The following ZNRF3 variants were observed in gnomAD, a reference collection of about 807,000 sequenced individuals.
ZNRF3 encodes zinc and ring finger 3.
A neutral mutation model predicts 72.5 loss-of-function variants in ZNRF3; 23 were observed. The ratio of observed to expected loss-of-function variants is 0.32; its 90% CI spans 0.23 to 0.45. The LOEUF is 0.45. ZNRF3 is among the 20% of genes least tolerant of loss of function. ZNRF3 has a pLI of 1.00. For synonymous variants in ZNRF3, 610 were observed against 545.3 expected (o/e 1.12, Z -1.65); for missense variants, 1,169 against 1,272.1 (o/e 0.92, Z 1.23).
At chr22:28,905,170 C>G (rs557709731) in intron 1 of ZNRF3, among the ~76,000 whole-genome samples, 3 of 152,112 alleles carry the variant, frequency 2.0e-5, no homozygotes, top group Non-Finnish European at 2.9e-5. Flanking sequence ...TTCCTGGGCT[C>G]GAGCAATCCT....
At chr22:28,949,068 C>T (rs1200997407) in intron 1 of ZNRF3, among the ~76,000 whole-genome samples, 5 of 152,026 alleles carry the variant, frequency 3.3e-5, no homozygotes, top group African/African-American at 1.2e-4. Flanking sequence ...CAACCTCTGC[C>T]TTCCGGGTTC....
intron 1 of ZNRF3, among the ~76,000 whole-genome samples, chr22:28,924,589 T>C (rs1283790229): frequency 6.6e-6 from 1 of 152,046 alleles, no homozygotes; most frequent in Non-Finnish European, 1.5e-5. Flanking sequence ...TAAAAAAATT[T>C]AGCTGGCTGT....
chr22:29,011,490 G>A (rs937841826), intron 2 of ZNRF3, among the ~76,000 whole-genome samples: 1 of 152,246 alleles, frequency 6.6e-6, no homozygotes, highest in Non-Finnish European at 1.5e-5. Context: ...ACACTCTTGA[G>A]TATGAGAGAA....
chr22:29,050,823 G>A lies in ZNRF3; in HGVS notation c.2642G>A (p.Cys881Tyr). 1 of 1,607,470 alleles carries A rather than the reference G, an allele frequency of 6.2e-7. No homozygotes were observed. The highest frequency in any genetic ancestry group is 8.5e-7 in the Non-Finnish European group (1 of 1,178,368). Reference protein sequence around the residue: ...GATREEERALCCQARALLRPG... With the variant: ...GATREEERALYCQARALLRPG... ...ACCCGGGAAGAGGAGCGGGCTCTGT[G>A]CTGCCAGGCTAGGGCCCTACTGCGG... The change falls in exon 8 of 9, where the codon TGC becomes TAC. Residue 881 changes from cysteine (C) to tyrosine (Y), a missense_variant. Coordinates refer to ENST00000544604, the MANE Select transcript of ZNRF3 (RefSeq NM_001206998.2).
At chr22:29,022,266 C>T (rs1028281835) in intron 2 of ZNRF3, among the ~76,000 whole-genome samples, 7 of 152,178 alleles carry the variant, frequency 4.6e-5, no homozygotes, top group African/African-American at 7.2e-5. Context: ...AAGTTACCTA[C>T]GAATTGTACA....
At position 29,030,813 on chromosome 22, in the gene ZNRF3, G is replaced by T. The variant is rs531186664; in HGVS notation, c.427-11682G>T. Among the ~76,000 whole-genome samples, 1 of 152,124 alleles carries T rather than the reference G, an allele frequency of 6.6e-6. No homozygotes were observed. Among genetic ancestry groups the T allele is most frequent in the Non-Finnish European group, 1.5e-5 (1 of 68,002 alleles). On this transcript the variant is annotated intron_variant, in intron 2 of 8. Coordinates refer to ENST00000544604, the MANE Select transcript of ZNRF3 (RefSeq NM_001206998.2). The surrounding 1 kb of genome is among the most constrained non-coding windows in gnomAD (Gnocchi z 4.2). Reference sequence around the variant, plus strand: ...TGGGGAGGAGGAGGGCTCCTGGCGCGGGGAGGAGCCGCGGGAGGGGGGATG... The same window carrying T: ...TGGGGAGGAGGAGGGCTCCTGGCGCTGGGAGGAGCCGCGGGAGGGGGGATG...
chr22:28,940,268 G>A (rs545463129), intron 1 of ZNRF3, among the ~76,000 whole-genome samples: 1 of 152,310 alleles, frequency 6.6e-6, no homozygotes, highest in South Asian at 2.1e-4. Context: ...GGAAAGGCTA[G>A]TTTCTTAATA....
intron 4 of ZNRF3, among the ~76,000 whole-genome samples, chr22:29,044,544 C>T (rs2037024246): frequency 6.6e-6 from 1 of 152,238 alleles, no homozygotes; most frequent in South Asian, 2.1e-4. Flanking sequence ...TCCCTTGGCT[C>T]TTGGGGGGCC....
At chr22:28,982,737 A>T (rs1234165596) in intron 1 of ZNRF3, among the ~76,000 whole-genome samples, 1 of 152,204 alleles carries the variant, frequency 6.6e-6, no homozygotes, top group Non-Finnish European at 1.5e-5. Context: ...ATATTTTCAC[A>T]TAATGACTAC....
At chr22:28,884,173 G>T in intron 1 of ZNRF3, 107 bp downstream of exon 1, 1 of 908,576 alleles carries the variant, frequency 1.1e-6, no homozygotes, top group Non-Finnish European at 1.3e-6. Context: ...GCGGGCGGGA[G>T]GGGTGGCCGA....
At chr22:28,952,624 G>A (rs1013835003) in intron 1 of ZNRF3, among the ~76,000 whole-genome samples, 50 of 151,914 alleles carry the variant, frequency 3.3e-4, no homozygotes, top group African/African-American at 1.2e-3. Context: ...TTTTGCTTAA[G>A]AGAAAAGAGC....
intron 1 of ZNRF3, among the ~76,000 whole-genome samples, chr22:28,978,666 A>T (rs1015511749): frequency 6.6e-6 from 1 of 152,214 alleles, no homozygotes; most frequent in Non-Finnish European, 1.5e-5. Flanking sequence ...AGCGTACATC[A>T]TGGTTTATAA....
intron 2 of ZNRF3, among the ~76,000 whole-genome samples, chr22:29,034,498 G>A (rs1233688633): frequency 6.6e-6 from 1 of 152,194 alleles, no homozygotes; most frequent in Non-Finnish European, 1.5e-5. Flanking sequence ...GGAAGGGAGA[G>A]TGTTAACAGG....
In ZNRF3 at chr22:29,050,481, C is replaced by G; in HGVS notation, c.2300C>G (p.Pro767Arg). The G allele has an allele frequency of 6.2e-7, 1 of 1,612,792 alleles. No individual in the cohort carries two copies. Among genetic ancestry groups the G allele is most frequent in the Non-Finnish European group, 8.5e-7 (1 of 1,179,906 alleles). Reference sequence around the variant, plus strand: ...TACGGCCTTCACCCCGACCATTTGCCCAGGACAGATGGGGTGAAATACGAG... The same window carrying G: ...TACGGCCTTCACCCCGACCATTTGCGCAGGACAGATGGGGTGAAATACGAG... ...GLYGLHPDHL[P>R]RTDGVKYEGL... is the part of the protein sequence containing the mutation. The change falls in exon 8 of 9, where the codon CCC (proline) becomes CGC (arginine). Residue 767 changes from proline (P) to arginine (R), a missense_variant. Physicochemically the swap from Pro to Arg is moderately radical, Grantham distance 103 (BLOSUM62 -2). Transcript: ENST00000544604.
chr22:29,017,658 G>A (rs767960277), intron 2 of ZNRF3, among the ~76,000 whole-genome samples: 25 of 152,030 alleles, frequency 1.6e-4, no homozygotes, highest in African/African-American at 5.6e-4. Context: ...AAGCTGAGAC[G>A]CTTTTGAGAA....
intron 2 of ZNRF3, among the ~76,000 whole-genome samples, chr22:29,039,138 G>A (rs2036914032): frequency 6.6e-6 from 1 of 152,140 alleles, no homozygotes; most frequent in Non-Finnish European, 1.5e-5. Context: ...TAGATTTTGT[G>A]AAAAACGTCT....
At chr22:28,913,553 C>CTAGA (rs1443196350) in intron 1 of ZNRF3, among the ~76,000 whole-genome samples, 1 of 152,122 alleles carries the variant, frequency 6.6e-6, no homozygotes, top group Non-Finnish European at 1.5e-5. Flanking sequence ...TCATCACCAC[C>CTAGA]TAGAATGAAT....
At chr22:28,955,361 G>GT (rs1477868506) in intron 1 of ZNRF3, among the ~76,000 whole-genome samples, 1 of 152,070 alleles carries the variant, frequency 6.6e-6, no homozygotes, top group Non-Finnish European at 1.5e-5. Context: ...TAAAATGGTA[G>GT]TTTTTTAAAG....
intron 1 of ZNRF3, among the ~76,000 whole-genome samples, chr22:28,950,268 C>A (rs148701955): frequency 1.8e-3 from 270 of 152,346 alleles, no homozygotes; most frequent in African/African-American, 6.2e-3. Flanking sequence ...CCTCCACCCA[C>A]CGCCCCCTGC....
Sources: allele counts gnomAD v4.1 joint callset (sites outside exome capture counted in the v4.1 genomes callset), GRCh38; gene constraint gnomAD v4.1.1; non-coding constraint Gnocchi (gnomAD v3.1); transcripts MANE v1.5; gene names NCBI Gene and HGNC (gene_info 2026-07-23, HGNC 2026-07-21).